SBF2: variants seen among roughly 807,000 people sequenced by gnomAD.
The protein encoded by SBF2 is SET binding factor 2.
In SBF2, 112 loss-of-function variants were observed where a neutral mutation model predicts 225.2. That is an observed-to-expected ratio of 0.50 (90% CI 0.43 to 0.58). SBF2 has a LOEUF of 0.58. SBF2 is among the 20% of genes least tolerant of loss of function. The pLI, the probability that SBF2 is intolerant of heterozygous loss-of-function variation, is 0.00. For synonymous variants in SBF2, 763 were observed against 773.3 expected (o/e 0.99, Z 0.22); for missense variants, 1,996 against 2,206.2 (o/e 0.90, Z 1.91).
At chr11:10,274,865 C>A (rs1962835131) in intron 1 of SBF2, among the ~76,000 whole-genome samples, 1 of 152,060 alleles carries the variant, frequency 6.6e-6, no homozygotes, top group Admixed American at 6.6e-5. Flanking sequence ...CTGCAAGTTT[C>A]TGTAATGCTT....
At chr11:10,202,838 CA>C (rs1957616451) in intron 1 of SBF2, among the ~76,000 whole-genome samples, 1 of 152,094 alleles carries the variant, frequency 6.6e-6, no homozygotes, top group South Asian at 2.1e-4. Flanking sequence ...CTACCTCATC[CA>C]AGGTGAAGTA....
intron 1 of SBF2, among the ~76,000 whole-genome samples, chr11:10,226,940 A>G (rs1371060865): frequency 2.6e-5 from 4 of 152,226 alleles, no homozygotes; most frequent in Non-Finnish European, 1.5e-5. Context: ...CAGTCCCACC[A>G]ACAGTATAAA....
intron 9 of SBF2, among the ~76,000 whole-genome samples, chr11:9,995,626 GCTC>G (rs1007697875): frequency 6.6e-6 from 1 of 151,310 alleles, no homozygotes; most frequent in Non-Finnish European, 1.5e-5. Context: ...AATACATTAT[GCTC>G]CTATTTCTTT....
intron 12 of SBF2, 150 bp downstream of exon 12, chr11:9,992,265 C>T (rs956662474): frequency 1.9e-5 from 11 of 571,778 alleles, no homozygotes; most frequent in Non-Finnish European, 2.8e-5. Flanking sequence ...ATTAAAATAT[C>T]GAGATTTGAT....
At chr11:9,916,038 C>T (rs1348260158) in intron 16 of SBF2, among the ~76,000 whole-genome samples, 3 of 152,016 alleles carry the variant, frequency 2.0e-5, no homozygotes, top group Non-Finnish European at 4.4e-5. Context: ...TACTCCAGCC[C>T]AAGTGACAGA....
chr11:9,874,022 A>G (rs147478447), intron 17 of SBF2, among the ~76,000 whole-genome samples: 2 of 151,488 alleles, frequency 1.3e-5, no homozygotes, highest in East Asian at 3.9e-4. Context: ...TTGAGCCACT[A>G]CACTCCAGTC....
chr11:10,193,541 G>C (rs550861065), intron 2 of SBF2, among the ~76,000 whole-genome samples: 1 of 151,976 alleles, frequency 6.6e-6, no homozygotes, highest in Admixed American at 6.6e-5. Flanking sequence ...TTTTAGTAGA[G>C]ACAGCGTTTC....
intron 9 of SBF2, among the ~76,000 whole-genome samples, chr11:9,996,438 G>T (rs1210582655): frequency 6.6e-6 from 1 of 152,170 alleles, no homozygotes. Flanking sequence ...CACCCAGGCT[G>T]GAGTGCAGTG....
At chr11:10,188,385 C>T (rs202194330) in intron 2 of SBF2, among the ~76,000 whole-genome samples, 1 of 141,808 alleles carries the variant, frequency 7.1e-6, no homozygotes, top group African/African-American at 2.7e-5. Flanking sequence ...AAACAATACA[C>T]AGATGTAGTG....
At chr11:9,812,199 A>G (rs2133903755) in intron 30 of SBF2, among the ~76,000 whole-genome samples, 1 of 152,272 alleles carries the variant, frequency 6.6e-6, no homozygotes, top group Non-Finnish European at 1.5e-5. Flanking sequence ...TCCTTACTGT[A>G]TTGACAACAG....
intron 13 of SBF2, among the ~76,000 whole-genome samples, chr11:9,972,759 G>A (rs1590648144): frequency 1.3e-5 from 2 of 152,326 alleles, no homozygotes; most frequent in Non-Finnish European, 2.9e-5. Flanking sequence ...GGGATTACAG[G>A]CGTAAGCCAC....
chr11:9,855,739 A>C (rs1857269734), intron 19 of SBF2, among the ~76,000 whole-genome samples: 1 of 152,222 alleles, frequency 6.6e-6, no homozygotes, highest in Non-Finnish European at 1.5e-5. Flanking sequence ...AGGGAGAGGT[A>C]TTATTAAGAT....
Position 10,117,334 on chromosome 11 carries a change from G to A in SBF2, c.142-74353C>T, listed in dbSNP as rs1224552472. 4.0e-5 allele frequency among the ~76,000 whole-genome samples: 6 copies of A among 151,382 alleles called. 1 individual carries two copies. The highest frequency in any genetic ancestry group is 6.6e-5 in the Admixed American group (1 of 15,208). On this transcript the variant is annotated intron_variant, in intron 2 of 39. Transcript: ENST00000256190. ...TGCACACCTGCAATCCCAGCTACTC[G>A]GGAGGCTGAGGCAGGAGAACTGCTT...
At chr11:10,227,702 C>T (rs1591261730) in intron 1 of SBF2, among the ~76,000 whole-genome samples, 2 of 152,132 alleles carry the variant, frequency 1.3e-5, no homozygotes, top group African/African-American at 4.8e-5. Flanking sequence ...GGTACCAGTA[C>T]CATGCTGTTT....
intron 2 of SBF2, among the ~76,000 whole-genome samples, chr11:10,049,536 G>A (rs529472801): frequency 6.6e-6 from 1 of 152,216 alleles, no homozygotes; most frequent in African/African-American, 2.4e-5. Flanking sequence ...GAACCTGGGA[G>A]GCGGATGTTG....
chr11:10,066,697 C>G (rs1008424884), intron 2 of SBF2, among the ~76,000 whole-genome samples: 2 of 152,106 alleles, frequency 1.3e-5, no homozygotes, highest in Non-Finnish European at 2.9e-5. Context: ...TGCTTTTCCA[C>G]TAAGATCAGA....
chr11:10,114,868 G>A (rs1953055877), intron 2 of SBF2, among the ~76,000 whole-genome samples: 1 of 152,084 alleles, frequency 6.6e-6, no homozygotes, highest in Non-Finnish European at 1.5e-5. Context: ...GTTTTCTCCT[G>A]TGGTTTATAA....
At chr11:10,044,513 A>G (rs1237408611) in intron 2 of SBF2, 2 of 200,046 alleles carry the variant, frequency 1.0e-5, no homozygotes, top group East Asian at 3.1e-4. Flanking sequence ...ATGTCTCTAC[A>G]CTCACCAGAC....
intron 1 of SBF2, among the ~76,000 whole-genome samples, chr11:10,239,719 G>A (rs1441004174): frequency 0.013 from 1,905 of 141,544 alleles, 41 homozygotes; most frequent in Middle Eastern, 0.042. Flanking sequence ...AAAAGACCGT[G>A]ACGTCACAAC....
Sources: allele counts gnomAD v4.1 joint callset (sites outside exome capture counted in the v4.1 genomes callset), GRCh38; gene constraint gnomAD v4.1.1; transcripts MANE v1.5; gene names NCBI Gene and HGNC (gene_info 2026-07-23, HGNC 2026-07-21).